AKR1C8: variants seen among roughly 807,000 people sequenced by gnomAD.
AKR1C8 encodes aldo-keto reductase family 1 member C-like protein 1.
chr10:5,125,489 C>T, the AKR1C8 span, among the ~76,000 whole-genome samples: 3 of 152,130 alleles, frequency 2.0e-5, no homozygotes, highest in Non-Finnish European at 4.4e-5. Flanking sequence ...ATAAGGCAAG[C>T]TCAAATCTCA....
the AKR1C8 span, among the ~76,000 whole-genome samples, chr10:5,145,756 T>C: frequency 6.6e-6 from 1 of 151,728 alleles, no homozygotes. Context: ...GGTGGGACTG[T>C]CAACTAGTTC....
chr10:5,153,730 C>G, the AKR1C8 span, among the ~76,000 whole-genome samples: 42,742 of 151,982 alleles, frequency 0.28, 6,827 homozygotes, highest in Non-Finnish European at 0.36. Flanking sequence ...ATCACCAGAA[C>G]AGCAAGGGTA....
the AKR1C8 span, among the ~76,000 whole-genome samples, chr10:5,184,246 T>C: frequency 6.6e-6 from 1 of 152,280 alleles, no homozygotes; most frequent in Non-Finnish European, 1.5e-5. Flanking sequence ...TAACAATCCA[T>C]CCAGGCCCCC....
At chr10:5,184,831 G>A in the AKR1C8 span, among the ~76,000 whole-genome samples, 3 of 152,132 alleles carry the variant, frequency 2.0e-5, no homozygotes, top group South Asian at 6.2e-4. Flanking sequence ...AACTTGCCAT[G>A]CCACTTAAAG....
the AKR1C8 span, among the ~76,000 whole-genome samples, chr10:5,183,090 T>C: frequency 6.6e-6 from 1 of 152,170 alleles, no homozygotes; most frequent in Non-Finnish European, 1.5e-5. Flanking sequence ...AATTCTAGTC[T>C]CACTAATTAT....
chr10:5,120,415 G>T, the AKR1C8 span, among the ~76,000 whole-genome samples: 20 of 152,218 alleles, frequency 1.3e-4, no homozygotes, highest in African/African-American at 4.6e-4. Context: ...TCAGCAAAAA[G>T]TGATTACTGT....
the AKR1C8 span, among the ~76,000 whole-genome samples, chr10:5,162,198 G>A: frequency 6.6e-6 from 1 of 152,156 alleles, no homozygotes; most frequent in Non-Finnish European, 1.5e-5. Flanking sequence ...AAAACTGTGA[G>A]TAAAACTAAT....
chr10:5,141,986 C>G, the AKR1C8 span, among the ~76,000 whole-genome samples: 1 of 152,086 alleles, frequency 6.6e-6, no homozygotes, highest in Non-Finnish European at 1.5e-5. Flanking sequence ...TTTTTTGGTA[C>G]AAGGCCCTTT....
the AKR1C8 span, among the ~76,000 whole-genome samples, chr10:5,179,873 A>G: frequency 4.6e-5 from 7 of 152,010 alleles, no homozygotes; most frequent in African/African-American, 7.3e-5. Context: ...TTATACATTC[A>G]TCTAAATTTT....
the AKR1C8 span, among the ~76,000 whole-genome samples, chr10:5,161,324 A>G: frequency 6.6e-6 from 1 of 152,178 alleles, no homozygotes; most frequent in Non-Finnish European, 1.5e-5. Flanking sequence ...CGACTCAGAG[A>G]GTAAGGACAT....
chr10:5,137,017 A>C, the AKR1C8 span, among the ~76,000 whole-genome samples: 11 of 152,210 alleles, frequency 7.2e-5, no homozygotes, highest in Admixed American at 6.6e-5. Context: ...TGTATGTAAA[A>C]ATTATGTTTA....
At chr10:5,177,958 GT>G in the AKR1C8 span, among the ~76,000 whole-genome samples, 1 of 152,022 alleles carries the variant, frequency 6.6e-6, no homozygotes, top group Admixed American at 6.6e-5. Context: ...TTTTTGAAGG[GT>G]TTTTTGTGTC....
the AKR1C8 span, among the ~76,000 whole-genome samples, chr10:5,150,347 AC>A: frequency 6.6e-6 from 1 of 152,078 alleles, no homozygotes; most frequent in African/African-American, 2.4e-5. Flanking sequence ...GACACAATTG[AC>A]AAAGGAATAT....
chr10:5,142,046 C>G, the AKR1C8 span, among the ~76,000 whole-genome samples: 1 of 152,074 alleles, frequency 6.6e-6, no homozygotes, highest in Non-Finnish European at 1.5e-5. Flanking sequence ...CATTAATGAT[C>G]TTACATAAAT....
chr10:5,153,386 G>GA, the AKR1C8 span, among the ~76,000 whole-genome samples: 3 of 152,088 alleles, frequency 2.0e-5, no homozygotes, highest in East Asian at 1.9e-4. Flanking sequence ...TGCTTGCTTG[G>GA]AAAAATATGG....
chr10:5,146,768 T>C, the AKR1C8 span, among the ~76,000 whole-genome samples: 1 of 152,212 alleles, frequency 6.6e-6, no homozygotes, highest in African/African-American at 2.4e-5. Context: ...TTTGCTTTTA[T>C]TGCATTTGCT....
chr10:5,119,394 A>G, the AKR1C8 span, among the ~76,000 whole-genome samples: 82 of 152,302 alleles, frequency 5.4e-4, 2 homozygotes, highest in South Asian at 0.016. Context: ...AAAGTACATA[A>G]TCTACATGTA....
the AKR1C8 span, among the ~76,000 whole-genome samples, chr10:5,138,383 T>C: frequency 6.0e-3 from 910 of 152,262 alleles, 5 homozygotes; most frequent in African/African-American, 0.021. Context: ...TTATAGGCTG[T>C]TTGCAAAAAG....
chr10:5,118,806 C>A, the AKR1C8 span, among the ~76,000 whole-genome samples: 1 of 152,000 alleles, frequency 6.6e-6, no homozygotes, highest in African/African-American at 2.4e-5. Context: ...TTCCCTTGGC[C>A]CCTATAGCTG....
Sources: allele counts gnomAD v4.1 joint callset (sites outside exome capture counted in the v4.1 genomes callset), GRCh38; gene constraint gnomAD v4.1.1; transcripts MANE v1.5; gene names NCBI Gene and HGNC (gene_info 2026-07-23, HGNC 2026-07-21).